The following NRG3 variants were observed in gnomAD, a reference collection of about 807,000 sequenced individuals.
NRG3 encodes the protein neuregulin 3.
Under a neutral mutation model 66.9 loss-of-function variants are expected in NRG3, and 31 were observed. The observed-to-expected ratio is 0.46, with a 90% CI of 0.35 to 0.63. NRG3 has a LOEUF of 0.63. Ranked by LOEUF, NRG3 falls within the 20% of genes least tolerant of loss-of-function variation. NRG3 has a pLI of 0.00. For synonymous variants in NRG3, 393 were observed against 359.4 expected (o/e 1.09, Z -1.06); for missense variants, 910 against 878.9 (o/e 1.04, Z -0.45).
Position 82,986,574 on chromosome 10 carries a change from G to T in NRG3, c.*969G>T, listed in dbSNP as rs1455059743. ...TTTTCACTTTAAATTTTTCCATTAA[G>T]TATAAAGTTCAGTTAGTTCTTAAAT... On this transcript the variant is annotated 3_prime_UTR_variant, in exon 9 of 9. Coordinates refer to ENST00000372141, the MANE Select transcript of NRG3 (RefSeq NM_001010848.4). The T allele has an allele frequency of 2.0e-5, 3 of 152,136 alleles. No homozygotes were observed. Among genetic ancestry groups the T allele is most frequent in the African/African-American group, 7.2e-5 (3 of 41,440 alleles). The allele number at this position is 152,136 out of a possible 1,614,324, so 9.4% of individuals were successfully genotyped here.
chr10:82,140,518 G>A (rs1564602468), intron 1 of NRG3, among the ~76,000 whole-genome samples: 2 of 152,124 alleles, frequency 1.3e-5, no homozygotes, highest in Non-Finnish European at 2.9e-5. Flanking sequence ...TATTAAATGA[G>A]TTTCCAAAAA....
intron 4 of NRG3, among the ~76,000 whole-genome samples, chr10:82,884,724 T>A (rs904100964): frequency 2.0e-5 from 3 of 152,202 alleles, no homozygotes; most frequent in African/African-American, 7.2e-5. Flanking sequence ...TACCTAGAGT[T>A]GTAGAACCAA....
At chr10:82,615,103 A>T (rs1373962773) in intron 2 of NRG3, among the ~76,000 whole-genome samples, 1 of 152,142 alleles carries the variant, frequency 6.6e-6, no homozygotes, top group Non-Finnish European at 1.5e-5. Context: ...ATGATATTAA[A>T]TATTCTAGTA....
intron 3 of NRG3, among the ~76,000 whole-genome samples, chr10:82,809,562 G>A (rs1324730196): frequency 1.3e-5 from 2 of 151,870 alleles, no homozygotes; most frequent in Non-Finnish European, 2.9e-5. Context: ...ATACAGAAAC[G>A]TATTTAAATA....
chr10:82,462,718 G>A (rs1036000701), intron 2 of NRG3, among the ~76,000 whole-genome samples: 1 of 152,178 alleles, frequency 6.6e-6, no homozygotes, highest in African/African-American at 2.4e-5. Flanking sequence ...GGGCTATGTG[G>A]ATAGCAGTGC....
chr10:82,148,739 TG>T (rs2070453493), intron 1 of NRG3, among the ~76,000 whole-genome samples: 1 of 151,794 alleles, frequency 6.6e-6, no homozygotes, highest in Admixed American at 6.6e-5. Flanking sequence ...ACCTAGGAAA[TG>T]TCTTCTCTTC....
chr10:82,174,394 C>T lies in NRG3; in HGVS notation c.824-184345C>T, dbSNP rs1170645576. Among the ~76,000 whole-genome samples the T allele has an allele frequency of 6.6e-5, 10 of 151,990 alleles. No individual in the cohort carries two copies. The East Asian group carries it at 1.7e-3, about 27-fold the overall frequency. On this transcript the variant is annotated intron_variant, in intron 1 of 8. Coordinates refer to ENST00000372141, the MANE Select transcript of NRG3 (RefSeq NM_001010848.4). ...TATGCACATGTTTTTTTCGTATCTCCATAATTTTGCCCATCATTAAGCCAA... is the reference window on the plus strand; with the variant it reads ...TATGCACATGTTTTTTTCGTATCTCTATAATTTTGCCCATCATTAAGCCAA...
intron 2 of NRG3, among the ~76,000 whole-genome samples, chr10:82,510,763 A>G (rs1845095015): frequency 6.6e-6 from 1 of 152,030 alleles, no homozygotes; most frequent in African/African-American, 2.4e-5. Flanking sequence ...CCCTTTCACC[A>G]TTTGCCACCA....
intron 2 of NRG3, among the ~76,000 whole-genome samples, chr10:82,459,095 G>A (rs2091400304): frequency 6.6e-6 from 1 of 152,104 alleles, no homozygotes; most frequent in African/African-American, 2.4e-5. Flanking sequence ...CCATACTCCT[G>A]TACCATACCT....
chr10:82,107,216 T>A (rs2067122044), intron 1 of NRG3, among the ~76,000 whole-genome samples: 1 of 152,220 alleles, frequency 6.6e-6, no homozygotes, highest in African/African-American at 2.4e-5. Flanking sequence ...AATGAACATT[T>A]CCTTTTAATC....
intron 2 of NRG3, among the ~76,000 whole-genome samples, chr10:82,573,013 A>G (rs2045830859): frequency 6.6e-6 from 1 of 151,860 alleles, no homozygotes; most frequent in Admixed American, 6.6e-5. Context: ...CCATTCACGA[A>G]TGCATTAAAG....
At chr10:82,381,367 C>T (rs1030788423) in intron 2 of NRG3, among the ~76,000 whole-genome samples, 6 of 152,144 alleles carry the variant, frequency 3.9e-5, no homozygotes, top group Non-Finnish European at 8.8e-5. Context: ...CTTTTGTATT[C>T]TGGACACTAT....
intron 1 of NRG3, among the ~76,000 whole-genome samples, chr10:82,078,317 C>G (rs2065204497): frequency 6.6e-6 from 1 of 151,740 alleles, no homozygotes; most frequent in African/African-American, 2.4e-5. Context: ...TGCTAACTCA[C>G]TGCTCTTTGT....
intron 2 of NRG3, among the ~76,000 whole-genome samples, chr10:82,475,298 C>A (rs966696671): frequency 6.6e-6 from 1 of 151,826 alleles, no homozygotes; most frequent in African/African-American, 2.4e-5. Context: ...TATTGAAATA[C>A]AAATAATTAT....
intron 3 of NRG3, among the ~76,000 whole-genome samples, chr10:82,786,832 A>T (rs1161269684): frequency 6.6e-6 from 1 of 152,066 alleles, no homozygotes; most frequent in Non-Finnish European, 1.5e-5. Flanking sequence ...TCATTGCAGG[A>T]GTGGGTTAGT....
At chr10:82,079,057 T>A (rs1206679984) in intron 1 of NRG3, among the ~76,000 whole-genome samples, 1 of 152,100 alleles carries the variant, frequency 6.6e-6, no homozygotes, top group East Asian at 1.9e-4. Context: ...AATAATAGAC[T>A]TTATTTTTAT....
intron 3 of NRG3, among the ~76,000 whole-genome samples, chr10:82,843,526 G>A (rs557444758): frequency 6.6e-6 from 1 of 152,266 alleles, no homozygotes; most frequent in East Asian, 1.9e-4. Context: ...AATGAAAAAG[G>A]AAAATGCCAA....
chr10:82,423,744 T>A (rs1438412246), intron 2 of NRG3, among the ~76,000 whole-genome samples: 1 of 151,982 alleles, frequency 6.6e-6, no homozygotes, highest in Non-Finnish European at 1.5e-5. Flanking sequence ...TCACCGCCAC[T>A]ATTTAATTTT....
intron 1 of NRG3, among the ~76,000 whole-genome samples, chr10:82,036,570 A>G (rs968178361): frequency 1.3e-5 from 2 of 151,524 alleles, no homozygotes; most frequent in African/African-American, 2.4e-5. Context: ...TTTTTTTCCC[A>G]TGGAAGAATA....
Sources: allele counts gnomAD v4.1 joint callset (sites outside exome capture counted in the v4.1 genomes callset), GRCh38; gene constraint gnomAD v4.1.1; transcripts MANE v1.5; gene names NCBI Gene and HGNC (gene_info 2026-07-23, HGNC 2026-07-21).